Variants in CHD2 observed in about 807,000 individuals in gnomAD.
CHD2 encodes ATP-dependent chromatin remodeler CHD2.
CHD2 carries 28 observed loss-of-function variants against 243.9 expected under a neutral mutation model. The observed-to-expected ratio is 0.11, with a 90% confidence interval of 0.09 to 0.16. The LOEUF (loss-of-function observed/expected upper bound fraction) is 0.16. Ranked by LOEUF, CHD2 falls within the 10% of genes least tolerant of loss-of-function variation. CHD2 has a pLI of 1.00. For synonymous variants in CHD2, 775 were observed against 779.0 expected, an observed-to-expected ratio of 0.99 and a Z score of 0.09; for missense variants, 1,386 against 2,209.8, an observed-to-expected ratio of 0.63 and a Z score of 7.47.
intron 16 of CHD2, among the ~76,000 whole-genome samples, chr15:92,957,628 G>A (rs2053632852): frequency 6.6e-6 from 1 of 151,568 alleles, no homozygotes. Flanking sequence ...TAGTTGTTCA[G>A]TTGATAGATA....
intron 4 of CHD2, 86 bp from the exon 5 acceptor site, chr15:92,928,944 G>A: frequency 7.8e-7 from 1 of 1,279,182 alleles, no homozygotes; most frequent in Non-Finnish European, 1.1e-6. Flanking sequence ...GGTATATTGA[G>A]TAGACTGTTG....
At chr15:92,952,682 G>A (rs1013308760) in intron 13 of CHD2, among the ~76,000 whole-genome samples, 1 of 152,214 alleles carries the variant, frequency 6.6e-6, no homozygotes, top group African/African-American at 2.4e-5. Flanking sequence ...TCCCTCACCC[G>A]CTGCTCACCT....
At chr15:92,940,861 TA>T in intron 7 of CHD2, among the ~76,000 whole-genome samples, 1 of 122,466 alleles carries the variant, frequency 8.2e-6, no homozygotes, top group African/African-American at 2.8e-5. Context: ...AATATATAAA[TA>T]TATAAAAATA....
intron 32 of CHD2, among the ~76,000 whole-genome samples, chr15:93,001,733 T>C (rs1450551584): frequency 1.3e-5 from 2 of 152,162 alleles, no homozygotes; most frequent in South Asian, 2.1e-4. Context: ...GCCAGGCTGG[T>C]GTCAAACTCC....
chr15:92,920,093 T>C (rs1596376142), intron 2 of CHD2, among the ~76,000 whole-genome samples: 2 of 152,180 alleles, frequency 1.3e-5, no homozygotes, highest in Admixed American at 1.3e-4. Context: ...GTGTTAGCAA[T>C]GTGGTGATTA....
In CHD2 at chr15:92,902,241, C is replaced by T. The variant is rs541356604; in HGVS notation, c.62+942C>T. 2.0e-5 allele frequency: 8 copies of T among 397,788 alleles called. No individual in the cohort carries two copies. The South Asian group carries it at 8.9e-4, about 44-fold the overall frequency. 24.6% of individuals were successfully genotyped at this position (397,788 alleles called of 1,614,324 possible). A position where few individuals can be genotyped will look rare whatever the true frequency, so the allele number is the denominator to read the frequency against. The stretch of plus-strand genomic sequence containing the variant: ...TGTTTGTGCAAATCATGATCTGTTT[C>T]ACATTCCTTGGAGTACCTTGTTAGT... On this transcript the variant is annotated intron_variant, in intron 2 of 38. Transcript: ENST00000394196.
rs113077918 is a variant in CHD2 at position 92,997,051 on chromosome 15, G to A, written c.3690G>A (p.Glu1230=). 2.5e-6 allele frequency: 4 copies of A among 1,613,712 alleles called. No homozygotes were observed. The highest frequency in any genetic ancestry group is 1.3e-5 in the African/African-American group (1 of 74,972). The change falls in exon 29 of 39, where the codon GAG becomes GAA. Residue 1230 remains glutamate (E), a synonymous_variant. Transcript: ENST00000394196. The surrounding 1 kb of genome is among the most constrained non-coding windows in gnomAD (Gnocchi z 4.1). ...TTATCCAACATGAAGAGGAGTTTGA[G>A]ATGCTGCATAAATCTATCCCTGTGG... ...KSIIQHEEEF[E]MLHKSIPVDP...
intron 16 of CHD2, among the ~76,000 whole-genome samples, chr15:92,967,120 A>G (rs1166078461): frequency 6.6e-6 from 1 of 152,192 alleles, no homozygotes; most frequent in African/African-American, 2.4e-5. Flanking sequence ...ATTCAGTCTG[A>G]GAATTGGAAA....
chr15:92,971,282 C>G (rs1246847962), intron 17 of CHD2, among the ~76,000 whole-genome samples: 1 of 152,154 alleles, frequency 6.6e-6, no homozygotes, highest in Admixed American at 6.5e-5. Flanking sequence ...CTGTAAAATG[C>G]TCTAATGAGA....
At chr15:93,013,750 C>T (rs553777154) in intron 36 of CHD2, among the ~76,000 whole-genome samples, 3 of 151,890 alleles carry the variant, frequency 2.0e-5, no homozygotes, top group South Asian at 2.1e-4. Context: ...GCCTGGCCAA[C>T]GTGATGAAGC....
At chr15:92,903,269 A>G (rs961789182) in intron 2 of CHD2, among the ~76,000 whole-genome samples, 1 of 152,226 alleles carries the variant, frequency 6.6e-6, no homozygotes, top group African/African-American at 2.4e-5. Context: ...TGTAATTAGT[A>G]CTTGGTTCCT....
At chr15:93,022,784 TCA>T (rs1319341612) in intron 38 of CHD2, among the ~76,000 whole-genome samples, 7 of 152,228 alleles carry the variant, frequency 4.6e-5, no homozygotes, top group Non-Finnish European at 7.3e-5. Flanking sequence ...TCTTCCTGTG[TCA>T]CAGCCTGAGG....
intron 2 of CHD2, chr15:92,901,559 TTACTG>T (rs1596360025): frequency 1.4e-5 from 7 of 511,776 alleles, no homozygotes; most frequent in Non-Finnish European, 2.1e-5. Flanking sequence ...AAAGGGGCCT[TTACTG>T]TAATGTACAG....
At position 93,027,018 on chromosome 15, in the gene CHD2, C is replaced by T. The variant is rs1417211705; in HGVS notation, c.*2313C>T. On this transcript the variant is annotated 3_prime_UTR_variant, in exon 39 of 39. Coordinates refer to ENST00000394196, the MANE Select transcript of CHD2 (RefSeq NM_001271.4). ...CTTCCTTTTGTTCACATTTAGGACT[C>T]TCAGTGCCATATGAAGTAGCAAAAG... 1 of 152,628 alleles carries T rather than the reference C, an allele frequency of 6.6e-6. No homozygotes were observed. The highest frequency in any genetic ancestry group is 1.9e-4 in the East Asian group (1 of 5,196). The allele number at this position is 152,628 out of a possible 1,614,324, so 9.5% of individuals were successfully genotyped here. A position where few individuals can be genotyped will look rare whatever the true frequency, so the allele number is the denominator to read the frequency against.
Position 92,939,627 on chromosome 15 carries a change from A to G in CHD2, c.601A>G (p.Lys201Glu), listed in dbSNP as rs750067899. ...VKKQPKTQRG[K>E]RKKQDSSDED... ...AAAGCAGCCGAAGACTCAGCGTGGA[A>G]AGAGAAAAAAGCAAGATTCTTCTGA... The change falls in exon 7 of 39, where the codon AAG becomes GAG. Residue 201 changes from lysine (K) to glutamate (E), a missense_variant. Lys to Glu is a moderately conservative substitution (Grantham distance 56). Around this residue, in one of 19 missense-constraint regions of CHD2, gnomAD observed 90 missense variants for 78.0 expected, o/e 1.15. Coordinates refer to ENST00000394196, the MANE Select transcript of CHD2 (RefSeq NM_001271.4). 4.3e-6 allele frequency: 7 copies of G among 1,614,100 alleles called. No individual in the cohort carries two copies. The highest frequency in any genetic ancestry group is 1.3e-5 in the African/African-American group (1 of 74,932).
intron 34 of CHD2, among the ~76,000 whole-genome samples, chr15:93,005,416 G>A (rs1292350875): frequency 2.0e-5 from 3 of 152,096 alleles, no homozygotes; most frequent in Non-Finnish European, 4.4e-5. Context: ...AGGTCCCTTT[G>A]CCCCTGGCTG....
chr15:92,910,379 C>T (rs2052709107), intron 2 of CHD2, among the ~76,000 whole-genome samples: 1 of 152,004 alleles, frequency 6.6e-6, no homozygotes, highest in African/African-American at 2.4e-5. Flanking sequence ...CTGTGGGTGA[C>T]CTTAGGTCCT....
chr15:92,993,180 T>C, intron 28 of CHD2, 182 bp downstream of exon 28: 1 of 582,642 alleles, frequency 1.7e-6, no homozygotes, highest in Non-Finnish European at 3.0e-6. Flanking sequence ...TACTCACAAA[T>C]GAAGTTGATT....
At position 93,002,213 on chromosome 15, in the gene CHD2, CAGA is replaced by C. The variant is rs757914644; in HGVS notation, c.4182_4184del (p.Lys1395del). 23 of 1,573,498 alleles carry C rather than the reference CAGA, an allele frequency of 1.5e-5. No individual in the cohort carries two copies. In the East Asian group the frequency reaches 2.1e-4, roughly 14 times the overall value. On this transcript the variant is annotated inframe_deletion, in exon 33 of 39. Transcript: ENST00000394196. The stretch of plus-strand genomic sequence containing the variant: ...GGAAAAAAGTCCAATGAAAAAAAAA[CAGA>C]AGAAGAAAGAGAACAAGGAGAACAA...
Sources: allele counts gnomAD v4.1 joint callset (sites outside exome capture counted in the v4.1 genomes callset), GRCh38; gene constraint gnomAD v4.1.1; regional missense constraint gnomAD v4.1.1; non-coding constraint Gnocchi (gnomAD v3.1); transcripts MANE v1.5; gene names NCBI Gene and HGNC (gene_info 2026-07-23, HGNC 2026-07-21).